Variants in PVALB observed in about 807,000 individuals in gnomAD.
PVALB encodes parvalbumin, also known as parvalbumin alpha.
In PVALB, 11 loss-of-function variants were observed where a neutral mutation model predicts 10.9. That is an observed-to-expected ratio of 1.01 (90% CI 0.63 to 1.67). The LOEUF (loss-of-function observed/expected upper bound fraction) is 1.67, where lower values mean the gene tolerates loss of function less well. Ranked by LOEUF, PVALB falls within the 40% of genes most tolerant of loss-of-function variation. PVALB has a pLI of 0.00. For missense variants in PVALB, 131 were observed against 136.2 expected, an observed-to-expected ratio of 0.96 and a Z score of 0.19; for synonymous variants, 57 against 50.7, an observed-to-expected ratio of 1.12 and a Z score of -0.53.
chr22:36,812,986 C>T (rs1419337082), intron 3 of PVALB, among the ~76,000 whole-genome samples: 3 of 152,208 alleles, frequency 2.0e-5, no homozygotes, highest in Non-Finnish European at 2.9e-5. Flanking sequence ...TGGTCTCTCA[C>T]CTGTGCTGAC....
At chr22:36,814,671 G>T (rs532878290) in intron 2 of PVALB, among the ~76,000 whole-genome samples, 1 of 152,142 alleles carries the variant, frequency 6.6e-6, no homozygotes, top group African/African-American at 2.4e-5. Context: ...CCTAGAAATT[G>T]CACCAGCCAC....
intron 3 of PVALB, among the ~76,000 whole-genome samples, chr22:36,812,606 G>T (rs967029036): frequency 2.0e-5 from 3 of 152,212 alleles, no homozygotes; most frequent in African/African-American, 7.2e-5. Context: ...GAGGCTCAGA[G>T]TAGTTATCAA....
Position 36,815,198 on chromosome 22 carries a change from C to T in PVALB, c.99G>A (p.Met33Ile). 6.2e-7 allele frequency: 1 copy of T among 1,614,194 alleles called. No individual in the cohort carries two copies. The highest frequency in any genetic ancestry group is 8.5e-7 in the Non-Finnish European group (1 of 1,180,038). Residue 33 changes from methionine to isoleucine, a missense_variant, in exon 2 of 4, where the codon ATG becomes ATA. Physicochemically the swap from Met to Ile is conservative, Grantham distance 10. Transcript: ENST00000417718. ...DSFDHKKFFQ[M>I]VGLKKKSADD... ...CCGCACTCTTTTTCTTCAGGCCGACCATTTGGAAGAACTTTTTGTGGTCGA... is the reference window on the plus strand; with the variant it reads ...CCGCACTCTTTTTCTTCAGGCCGACTATTTGGAAGAACTTTTTGTGGTCGA...
chr22:36,814,753 A>G (rs1939109587), intron 2 of PVALB, among the ~76,000 whole-genome samples: 1 of 152,134 alleles, frequency 6.6e-6, no homozygotes, highest in South Asian at 2.1e-4. Context: ...TCAATGAAAT[A>G]CTCAAGTGAA....
intron 3 of PVALB, among the ~76,000 whole-genome samples, chr22:36,807,939 G>C (rs531004947): frequency 1.4e-4 from 22 of 152,324 alleles, no homozygotes; most frequent in African/African-American, 4.8e-4. Flanking sequence ...GCAAGGTTAG[G>C]CAATAATGAT....
At chr22:36,811,275 C>CTAAA (rs72164769) in intron 3 of PVALB, among the ~76,000 whole-genome samples, 23,156 of 147,960 alleles carry the variant, frequency 0.16, 1,913 homozygotes, top group Middle Eastern at 0.26. Context: ...GAGACTGTCT[C>CTAAA]TAAATAAATA....
intron 2 of PVALB, among the ~76,000 whole-genome samples, chr22:36,814,623 C>T (rs1939106969): frequency 1.3e-5 from 2 of 152,054 alleles, no homozygotes; most frequent in Non-Finnish European, 2.9e-5. Context: ...CTCCAAGGAC[C>T]CCTGGACTCT....
chr22:36,817,238 T>G (rs2145956340), upstream of PVALB: 1 of 346,896 alleles, frequency 2.9e-6, no homozygotes, highest in Non-Finnish European at 5.1e-6. Flanking sequence ...CTACCACTCC[T>G]GCACCGCCAG....
chr22:36,805,979 A>T (rs529724977), intron 3 of PVALB, among the ~76,000 whole-genome samples: 27 of 152,324 alleles, frequency 1.8e-4, no homozygotes, highest in South Asian at 6.2e-4. Flanking sequence ...ATCCGTGGCA[A>T]CTTAGTTCCT....
upstream of PVALB, chr22:36,817,073 C>T (rs1158660748): frequency 1.7e-5 from 25 of 1,458,250 alleles, no homozygotes; most frequent in South Asian, 2.9e-4. Flanking sequence ...ATCATTTCTG[C>T]TCATATGACC....
intron 3 of PVALB, among the ~76,000 whole-genome samples, chr22:36,813,255 G>A (rs907702989): frequency 6.6e-6 from 1 of 152,108 alleles, no homozygotes; most frequent in African/African-American, 2.4e-5. Context: ...TCATTTCGTT[G>A]GATTAGAGAT....
chr22:36,806,115 G>A lies in PVALB; in HGVS notation c.305-5197C>T, dbSNP rs141359649. 1.5e-3 allele frequency among the ~76,000 whole-genome samples: 233 copies of A among 152,340 alleles called. 9 individuals carry two copies. In the East Asian group the frequency reaches 0.036, roughly 24 times the overall value. ...ACAGTGCCTGGCACACAGTGGGAAT[G>A]CGACTAAATCAACTCTTAATGTTGA... On this transcript the variant is annotated intron_variant, in intron 3 of 3. Transcript: ENST00000417718.
chr22:36,816,901 G>T (rs118169194), intron 1 of PVALB, 44 bp downstream of exon 1: 81,603 of 1,540,298 alleles, frequency 0.053, 2,463 homozygotes, highest in Non-Finnish European at 0.062. Flanking sequence ...GGCGCGGGCG[G>T]TGGACGAGGG....
At chr22:36,810,119 G>A (rs1052162458) in intron 3 of PVALB, among the ~76,000 whole-genome samples, 2 of 152,086 alleles carry the variant, frequency 1.3e-5, no homozygotes, top group Non-Finnish European at 2.9e-5. Context: ...TCCTGACCTT[G>A]TGATCTGCCC....
chr22:36,800,774 TG>T lies in PVALB; in HGVS notation c.*115del. The T allele has an allele frequency of 1.8e-6, 2 of 1,138,778 alleles. No individual in the cohort carries two copies. The highest frequency in any genetic ancestry group is 1.2e-5 in the South Asian group (1 of 80,894). 70.5% of individuals were successfully genotyped at this position (1,138,778 alleles called of 1,614,324 possible). Reference sequence around the variant, plus strand: ...GGTGTCATTAGAGGGCCACAGGGGATGGGGGAGTAAAAAATAACATAAACGA... The same window carrying T: ...GGTGTCATTAGAGGGCCACAGGGGATGGGGAGTAAAAAATAACATAAACGA... On this transcript the variant is annotated 3_prime_UTR_variant, in exon 4 of 4. Transcript: ENST00000417718.
chr22:36,802,009 G>C (rs1938872646), intron 3 of PVALB, among the ~76,000 whole-genome samples: 1 of 152,054 alleles, frequency 6.6e-6, no homozygotes, highest in South Asian at 2.1e-4. Flanking sequence ...ATAAAAAACT[G>C]GTCGTGAAAT....
chr22:36,812,913 T>C (rs1208757240), intron 3 of PVALB, among the ~76,000 whole-genome samples: 1 of 152,140 alleles, frequency 6.6e-6, no homozygotes. Context: ...GAGATAGCAA[T>C]GTGGGTGTGC....
chr22:36,805,768 G>A (rs1184192670), intron 3 of PVALB, among the ~76,000 whole-genome samples: 2 of 151,930 alleles, frequency 1.3e-5, no homozygotes, highest in East Asian at 1.9e-4. Context: ...TGTTAGTTCC[G>A]CCTCCCGTGT....
chr22:36,801,714 T>C (rs140945004), intron 3 of PVALB, among the ~76,000 whole-genome samples: 1 of 152,202 alleles, frequency 6.6e-6, no homozygotes, highest in African/African-American at 2.4e-5. Context: ...GCAGGAGAAT[T>C]GCTTGATCCC....
Sources: allele counts gnomAD v4.1 joint callset (sites outside exome capture counted in the v4.1 genomes callset), GRCh38; gene constraint gnomAD v4.1.1; transcripts MANE v1.5; gene names NCBI Gene and HGNC (gene_info 2026-07-23, HGNC 2026-07-21).